Variants in NR4A3 observed in about 807,000 individuals in gnomAD.
NR4A3 encodes nuclear receptor subfamily 4 group A member 3.
A neutral mutation model predicts 55.6 loss-of-function variants in NR4A3; 13 were observed. The observed-to-expected ratio is 0.23, with a 90% CI of 0.15 to 0.37. The LOEUF (loss-of-function observed/expected upper bound fraction) is 0.37, where lower values mean the gene tolerates loss of function less well. Among genes scored for constraint, NR4A3 ranks in the 10% least tolerant of loss-of-function variants. NR4A3 has a pLI of 1.00. For synonymous variants in NR4A3, 342 were observed against 357.9 expected (o/e 0.96, Z 0.50); for missense variants, 646 against 822.8 (o/e 0.79, Z 2.63).
chr9:99,843,536 G>A (rs1827691804), intron 5 of NR4A3, among the ~76,000 whole-genome samples: 1 of 152,082 alleles, frequency 6.6e-6, no homozygotes, highest in Non-Finnish European at 1.5e-5. Flanking sequence ...ACAGTTTGGT[G>A]GGCCAGGCAC....
In NR4A3 at chr9:99,863,804, G is replaced by C; in HGVS notation, c.1818G>C (p.Leu606=). Residue 606 remains leucine (L), a synonymous_variant, in exon 8 of 8, where the codon CTG becomes CTC. Coordinates refer to ENST00000395097, the MANE Select transcript of NR4A3 (RefSeq NM_006981.4). ...TCCAGCGCATCTTCTACCTGAAGCT[G>C]GAAGACTTGGTGTCTCCACCTTCCA... The part of the protein sequence containing the change: ...LGLQRIFYLK[L]EDLVSPPSII... The C allele has an allele frequency of 6.2e-7, 1 of 1,613,892 alleles. No homozygotes were observed. The highest frequency in any genetic ancestry group is 8.5e-7 in the Non-Finnish European group (1 of 1,179,914).
chr9:99,844,659 C>T lies in NR4A3; in HGVS notation c.1265C>T (p.Thr422Ile), dbSNP rs1480450032. The change falls in exon 6 of 8, where the codon ACT becomes ATT. Residue 422 changes from threonine (T) to isoleucine (I), a missense_variant. Transcript: ENST00000395097. ...RDLDYSRYCP[T>I]DQAAAGTDAE... ...TGGTTTGCATTCTAGTACTGTCCCA[C>T]TGACCAGGCTGCTGCAGGCACAGAT... The T allele has an allele frequency of 6.2e-7, 1 of 1,614,172 alleles. No individual in the cohort carries two copies. Among genetic ancestry groups the T allele is most frequent in the Non-Finnish European group, 8.5e-7 (1 of 1,179,998 alleles).
intron 7 of NR4A3, among the ~76,000 whole-genome samples, chr9:99,857,084 A>G (rs1827939616): frequency 6.6e-6 from 1 of 152,230 alleles, no homozygotes; most frequent in Non-Finnish European, 1.5e-5. Context: ...AAAATAATCT[A>G]GATAGCAAAG....
At position 99,834,191 on chromosome 9, in the gene NR4A3, G is replaced by T. The variant is rs74437074; in HGVS notation, c.1254+737G>T. The T allele has an allele frequency of 2.3e-3, 659 of 291,702 alleles. 27 individuals are homozygous for T. In the East Asian group the frequency reaches 0.059, roughly 26 times the overall value. The allele number at this position is 291,702 out of a possible 1,614,324, so 18.1% of individuals were successfully genotyped here. On this transcript the variant is annotated intron_variant, in intron 5 of 7. Transcript: ENST00000395097. ...ACATTTTTATTTCATATGGGATATAGTAAAATCCCATCAGTCTGAACCCTG... is the reference window on the plus strand; with the variant it reads ...ACATTTTTATTTCATATGGGATATATTAAAATCCCATCAGTCTGAACCCTG...
At chr9:99,863,474 T>C (rs1308280000) in intron 7 of NR4A3, 146 bp from the exon 8 acceptor site, 1 of 889,620 alleles carries the variant, frequency 1.1e-6, no homozygotes, top group Non-Finnish European at 1.7e-6. Flanking sequence ...CCAAAGGCCA[T>C]GAGCTATCTC....
chr9:99,863,940 G>C lies in NR4A3; in HGVS notation c.*73G>C. 2.0e-6 allele frequency: 3 copies of C among 1,483,902 alleles called. No homozygotes were observed. Among genetic ancestry groups the C allele is most frequent in the Non-Finnish European group, 1.8e-6 (2 of 1,100,488 alleles). The allele number at this position is 1,483,902 out of a possible 1,614,324, so 91.9% of individuals were successfully genotyped here. ...GCTACGCAGCAAAGGGATAGGTTTG[G>C]AAACCTATCATTTCCTGTCCTTCCT... On this transcript the variant is annotated 3_prime_UTR_variant, in exon 8 of 8. Transcript: ENST00000395097.
chr9:99,841,426 A>G (rs1243366511), intron 5 of NR4A3, among the ~76,000 whole-genome samples: 1 of 152,204 alleles, frequency 6.6e-6, no homozygotes, highest in Non-Finnish European at 1.5e-5. Flanking sequence ...CAGATGTTAT[A>G]GGATCTTAGA....
chr9:99,826,710 A>T, intron 2 of NR4A3: 3 of 1,524,308 alleles, frequency 2.0e-6, no homozygotes, highest in Non-Finnish European at 2.7e-6. Context: ...GCCTCTCCTC[A>T]TCACTGCTTC....
At chr9:99,847,365 T>G in intron 6 of NR4A3, 72 bp from the exon 7 acceptor site, 3 of 1,431,660 alleles carry the variant, frequency 2.1e-6, no homozygotes, top group Non-Finnish European at 2.9e-6. Context: ...TGTGTGCCTG[T>G]GTGTCATAAT....
chr9:99,833,265 G>T lies in NR4A3; in HGVS notation c.1082-17G>T. ...ATAATCTTTGAAGATTGTTTTCTTT[G>T]TCTCTTTTGGCATCAGTTGTCCGTA... On this transcript the variant is annotated splice_polypyrimidine_tract_variant and intron_variant, in intron 4 of 7. Transcript: ENST00000395097. 6.4e-7 allele frequency: 1 copy of T among 1,558,636 alleles called. No homozygotes were observed. The highest frequency in any genetic ancestry group is 8.7e-7 in the Non-Finnish European group (1 of 1,154,852).
At chr9:99,855,205 G>A (rs1003710217) in intron 7 of NR4A3, among the ~76,000 whole-genome samples, 61 of 152,276 alleles carry the variant, frequency 4.0e-4, no homozygotes, top group African/African-American at 1.4e-3. Flanking sequence ...TGCTGTGTTA[G>A]GGAATTTCTT....
chr9:99,833,472 C>T lies in NR4A3; in HGVS notation c.1254+18C>T. 4.3e-6 allele frequency: 7 copies of T among 1,614,048 alleles called. No homozygotes were observed. Among genetic ancestry groups the T allele is most frequent in the Non-Finnish European group, 5.1e-6 (6 of 1,179,932 alleles). ...ATTCCAGAGTAAGTTTTATGATTTC[C>T]TGCTTTCAAATGAATGATCAGGGTC... On this transcript the variant is annotated intron_variant, in intron 5 of 7. Coordinates refer to ENST00000395097, the MANE Select transcript of NR4A3 (RefSeq NM_006981.4).
At chr9:99,834,866 A>G in intron 5 of NR4A3, 3 of 984,400 alleles carry the variant, frequency 3.0e-6, no homozygotes, top group Non-Finnish European at 2.4e-6. Context: ...TCTGATTATA[A>G]GTAGTGGCTC....
At chr9:99,861,240 C>T (rs1828004385) in intron 7 of NR4A3, among the ~76,000 whole-genome samples, 1 of 152,218 alleles carries the variant, frequency 6.6e-6, no homozygotes, top group Non-Finnish European at 1.5e-5. Flanking sequence ...ACATATCAGG[C>T]CAGGTGCAGT....
rs1239442982 is a variant in NR4A3, at chr9:99,828,008, G to A, written c.-2-33G>A. ...TTGGCTAGAAAACAAGTGTTAACTT[G>A]CTTCTGAGAGACCCTTTTCTCTGTC... On this transcript the variant is annotated intron_variant, in intron 2 of 7. Transcript: ENST00000395097. This position sits in a 1 kb window ranked among gnomAD's most constrained non-coding sequence, Gnocchi z 7.7. The A allele has an allele frequency of 6.3e-7, 1 of 1,583,670 alleles. No individual in the cohort carries two copies. Among genetic ancestry groups the A allele is most frequent in the Admixed American group, 1.7e-5 (1 of 57,442 alleles).
chr9:99,841,358 A>C (rs185815440), intron 5 of NR4A3, among the ~76,000 whole-genome samples: 118 of 152,228 alleles, frequency 7.8e-4, no homozygotes, highest in African/African-American at 2.6e-3. Flanking sequence ...GACTTCATAG[A>C]ATCCCAGGCA....
In NR4A3 at chr9:99,850,506, T is replaced by C. The variant is rs572103396; in HGVS notation, c.1633+2891T>C. ...TAGTAGAAGGGTGGTGCTGGTCCTC[T>C]TTCTGCATCCCATTTGTTCTATTCC... On this transcript the variant is annotated intron_variant, in intron 7 of 7. Coordinates refer to ENST00000395097, the MANE Select transcript of NR4A3 (RefSeq NM_006981.4). 5.9e-5 allele frequency among the ~76,000 whole-genome samples: 9 copies of C among 152,338 alleles called. No homozygotes were observed. The East Asian group carries it at 1.7e-3, about 29-fold the overall frequency.
chr9:99,833,979 A>C, intron 5 of NR4A3: 2 of 1,137,586 alleles, frequency 1.8e-6, no homozygotes, highest in Non-Finnish European at 2.2e-6. Flanking sequence ...CACCTCTGCT[A>C]CTTCCTGCCT....
intron 7 of NR4A3, 56 bp downstream of exon 7, chr9:99,847,671 G>A (rs916561195): frequency 6.4e-7 from 1 of 1,554,504 alleles, no homozygotes; most frequent in Non-Finnish European, 8.8e-7. Flanking sequence ...CTTTGTTATG[G>A]TGGAATCTGG....
Sources: allele counts gnomAD v4.1 joint callset (sites outside exome capture counted in the v4.1 genomes callset), GRCh38; gene constraint gnomAD v4.1.1; non-coding constraint Gnocchi (gnomAD v3.1); transcripts MANE v1.5; gene names NCBI Gene and HGNC (gene_info 2026-07-23, HGNC 2026-07-21).